PDE4D: variants seen among roughly 807,000 people sequenced by gnomAD.
PDE4D encodes phosphodiesterase 4D, also known as 3',5'-cyclic-AMP phosphodiesterase 4D.
In PDE4D, 24 loss-of-function variants were observed where a neutral mutation model predicts 87.4. The ratio of observed to expected loss-of-function variants is 0.27; its 90% CI spans 0.20 to 0.39. PDE4D has a LOEUF of 0.39. Among genes scored for constraint, PDE4D ranks in the 10% least tolerant of loss-of-function variants. PDE4D has a pLI of 1.00. For synonymous variants in PDE4D, 384 were observed against 383.2 expected (o/e 1.00, Z -0.02); for missense variants, 714 against 1,041.0 (o/e 0.69, Z 4.32).
At chr5:60,043,082 C>T (rs1768710280) in intron 2 of PDE4D, among the ~76,000 whole-genome samples, 1 of 151,234 alleles carries the variant, frequency 6.6e-6, no homozygotes, top group South Asian at 2.1e-4. Context: ...CTAGAATAAT[C>T]AGTTTAGAGA....
At chr5:59,897,697 A>G (rs1751806846), upstream of PDE4D, among the ~76,000 whole-genome samples, 1 of 151,460 alleles carries the variant, frequency 6.6e-6, no homozygotes, top group Admixed American at 6.6e-5. Flanking sequence ...GATTTAAAGG[A>G]GACTTTCACT....
In PDE4D at chr5:60,051,761, T is replaced by A. The variant is rs545260404; in HGVS notation, c.43-63044A>T. ...AATGAATCCAGGAGCTGTTTTTTTT[T>A]AAAAAAGATTAACAAAATAGATAGA... On this transcript the variant is annotated intron_variant, in intron 2 of 16. Coordinates refer to the PDE4D transcript ENST00000502484. Among the ~76,000 whole-genome samples, 90 of 150,628 alleles carry A rather than the reference T, an allele frequency of 6.0e-4. No individual in the cohort carries two copies. The East Asian group carries it at 7.0e-3, about 12-fold the overall frequency.
At chr5:60,270,281 A>T (rs562315288) in intron 1 of PDE4D, among the ~76,000 whole-genome samples, 19 of 152,288 alleles carry the variant, frequency 1.2e-4, no homozygotes, top group African/African-American at 4.3e-4. Context: ...AATCTAGGGT[A>T]CTCATTTACA....
In PDE4D at chr5:60,303,867, T is replaced by C. The variant is rs939594685; in HGVS notation, c.-89-118180A>G. On this transcript the variant is annotated intron_variant, in intron 1 of 16. Transcript: ENST00000502484. Reference sequence around the variant, plus strand: ...TATCTTTGTTAATTTTCTGTCTCAATGATCTGTCTAATATTGTCAGTGAGG... The same window carrying C: ...TATCTTTGTTAATTTTCTGTCTCAACGATCTGTCTAATATTGTCAGTGAGG... 2.6e-5 allele frequency among the ~76,000 whole-genome samples: 4 copies of C among 152,342 alleles called. No homozygotes were observed. The East Asian group carries it at 7.7e-4, about 29-fold the overall frequency.
intron 5 of PDE4D, among the ~76,000 whole-genome samples, chr5:59,070,613 G>A (rs1764615398): frequency 6.6e-6 from 1 of 152,098 alleles, no homozygotes; most frequent in African/African-American, 2.4e-5. Context: ...GTTTCCATGA[G>A]CAGAACCAAA....
At chr5:60,003,951 G>A (rs1183417521) in intron 2 of PDE4D, among the ~76,000 whole-genome samples, 1 of 152,004 alleles carries the variant, frequency 6.6e-6, no homozygotes. Flanking sequence ...TTCAATAAAT[G>A]TTCCTGGGAA....
chr5:59,911,805 C>A lies in PDE4D; in HGVS notation c.272+76683G>T, dbSNP rs570878917. Among the ~76,000 whole-genome samples the A allele has an allele frequency of 1.4e-3, 216 of 152,046 alleles. 5 individuals carry two copies. Among genetic ancestry groups the A allele is most frequent in the Admixed American group, 0.014 (215 of 15,260 alleles). On this transcript the variant is annotated intron_variant, in intron 3 of 16. Coordinates refer to the PDE4D transcript ENST00000502484. ...TAACTGAATGATCTTTTGATGAGGTCTAATTTATACTATAATTCATTTTTT... is the reference window on the plus strand; with the variant it reads ...TAACTGAATGATCTTTTGATGAGGTATAATTTATACTATAATTCATTTTTT...
chr5:59,606,212 A>C (rs1483792390), intron 1 of PDE4D, among the ~76,000 whole-genome samples: 2 of 152,044 alleles, frequency 1.3e-5, no homozygotes, highest in Non-Finnish European at 2.9e-5. Flanking sequence ...TAGCACTATA[A>C]ATTGAGCTGA....
intron 1 of PDE4D, among the ~76,000 whole-genome samples, chr5:59,794,681 A>G (rs1766249765): frequency 6.6e-6 from 1 of 152,210 alleles, no homozygotes; most frequent in African/African-American, 2.4e-5. Flanking sequence ...AAGTGAAAAT[A>G]TAATAAAACA....
At chr5:59,998,378 G>A (rs953294415) in intron 2 of PDE4D, among the ~76,000 whole-genome samples, 1 of 152,004 alleles carries the variant, frequency 6.6e-6, no homozygotes, top group Non-Finnish European at 1.5e-5. Flanking sequence ...AGAATAGTCA[G>A]GTAAGTTTGT....
chr5:59,097,616 C>G (rs985058158), intron 5 of PDE4D, among the ~76,000 whole-genome samples: 1 of 152,068 alleles, frequency 6.6e-6, no homozygotes, highest in African/African-American at 2.4e-5. Flanking sequence ...AAGCTTTTTT[C>G]TTAAATATTA....
chr5:59,992,058 C>T (rs1225236972), intron 2 of PDE4D, among the ~76,000 whole-genome samples: 3 of 152,134 alleles, frequency 2.0e-5, no homozygotes, highest in Non-Finnish European at 2.9e-5. Context: ...ACTGGAATGC[C>T]GGAGTCTTCT....
At chr5:59,080,642 G>A (rs1171363956) in intron 5 of PDE4D, among the ~76,000 whole-genome samples, 1 of 152,086 alleles carries the variant, frequency 6.6e-6, no homozygotes, top group Non-Finnish European at 1.5e-5. Context: ...GGCAAAACGG[G>A]GGCCCCAAAC....
intron 1 of PDE4D, among the ~76,000 whole-genome samples, chr5:59,338,142 G>A (rs965351547): frequency 7.9e-5 from 12 of 152,136 alleles, no homozygotes; most frequent in South Asian, 6.2e-4. Context: ...GTTGCCTCCC[G>A]TGATAATATC....
At chr5:60,097,419 T>A (rs182827682) in intron 2 of PDE4D, among the ~76,000 whole-genome samples, 434 of 152,152 alleles carry the variant, frequency 2.9e-3, no homozygotes, top group Middle Eastern at 0.014. Flanking sequence ...AAACTGCACA[T>A]ATAATATATA....
At position 59,065,472 on chromosome 5, in the gene PDE4D, T is replaced by C. The variant is rs142537884; in HGVS notation, c.809-26501A>G. Among the ~76,000 whole-genome samples the C allele has an allele frequency of 1.0e-3, 156 of 152,240 alleles. 7 individuals are homozygous for C. In the East Asian group the frequency reaches 0.026, roughly 26 times the overall value. ...AGAAATTTGGTAAAAGGGTAGCTGT[T>C]ATATTAAGTGTCCTTACCATGAAAG... On this transcript the variant is annotated intron_variant, in intron 5 of 14. Transcript: ENST00000340635.
At chr5:60,161,389 A>G (rs1054056085) in intron 2 of PDE4D, among the ~76,000 whole-genome samples, 1 of 152,156 alleles carries the variant, frequency 6.6e-6, no homozygotes, top group East Asian at 1.9e-4. Context: ...TAATAAAGAA[A>G]CTAATAATCT....
intron 1 of PDE4D, among the ~76,000 whole-genome samples, chr5:59,372,782 C>T (rs1380633044): frequency 6.6e-6 from 1 of 152,226 alleles, no homozygotes; most frequent in Non-Finnish European, 1.5e-5. Flanking sequence ...CACCCACTAG[C>T]ACTTCACTGC....
chr5:59,844,774 T>C (rs1120533), intron 1 of PDE4D, among the ~76,000 whole-genome samples: 33,656 of 152,058 alleles, frequency 0.22, 4,839 homozygotes, highest in Admixed American at 0.34. Flanking sequence ...TTATTATGTA[T>C]GGAGAAGGTG....
Sources: allele counts gnomAD v4.1 joint callset (sites outside exome capture counted in the v4.1 genomes callset), GRCh38; gene constraint gnomAD v4.1.1; transcripts MANE v1.5; gene names NCBI Gene and HGNC (gene_info 2026-07-23, HGNC 2026-07-21).